Variants in STX8 observed in about 807,000 individuals in gnomAD.
STX8 encodes syntaxin-8.
Under a neutral mutation model 37.5 loss-of-function variants are expected in STX8, and 23 were observed. The observed-to-expected ratio is 0.61, with a 90% CI of 0.44 to 0.87. The LOEUF (loss-of-function observed/expected upper bound fraction) is 0.87. Among genes scored for constraint, STX8 ranks in the 40% least tolerant of loss-of-function variants. The pLI is 0.00. For synonymous variants in STX8, 115 were observed against 99.1 expected (o/e 1.16, Z -0.95); for missense variants, 313 against 284.7 (o/e 1.10, Z -0.71).
At chr17:9,394,579 C>T (rs894475752) in intron 6 of STX8, among the ~76,000 whole-genome samples, 7 of 151,216 alleles carry the variant, frequency 4.6e-5, no homozygotes, top group South Asian at 2.1e-4. Context: ...TGGCCATACT[C>T]GTCTTGAACT....
intron 2 of STX8, among the ~76,000 whole-genome samples, chr17:9,560,524 C>T (rs1204218807): frequency 6.7e-6 from 1 of 150,250 alleles, no homozygotes; most frequent in Non-Finnish European, 1.5e-5. Context: ...TATTTTAAAA[C>T]TTCATTAACA....
intron 7 of STX8, among the ~76,000 whole-genome samples, chr17:9,330,644 T>G (rs1393087891): frequency 6.6e-6 from 1 of 152,236 alleles, no homozygotes; most frequent in East Asian, 1.9e-4. Flanking sequence ...GTTTGGGACG[T>G]GGGTTCACGT....
intron 7 of STX8, among the ~76,000 whole-genome samples, chr17:9,302,989 T>TA (rs34429298): frequency 0.057 from 7,421 of 129,388 alleles, 661 homozygotes; most frequent in African/African-American, 0.19. Context: ...TAATATAGAT[T>TA]AAAAAAAAAA....
chr17:9,460,698 A>AC lies in STX8; in HGVS notation c.541+31130dup, dbSNP rs1457569082. Among the ~76,000 whole-genome samples, 189 of 150,546 alleles carry AC rather than the reference A, an allele frequency of 1.3e-3. 1 individual carries two copies. The highest frequency in any genetic ancestry group is 4.4e-3 in the African/African-American group (179 of 40,498). On this transcript the variant is annotated intron_variant, in intron 6 of 7. Coordinates refer to ENST00000306357, the MANE Select transcript of STX8 (RefSeq NM_004853.3). Reference sequence around the variant, plus strand: ...CAAAAAAAAAAAAAAACAAAACAAAACTACTAAATTCACAACAACAACATA... The same window carrying AC: ...CAAAAAAAAAAAAAAACAAAACAAAACCTACTAAATTCACAACAACAACATA...
rs560249615 is a variant in STX8 at position 9,333,591 on chromosome 17, G to T, written c.643+44961C>A. On this transcript the variant is annotated intron_variant, in intron 7 of 7. Transcript: ENST00000306357. ...TTTTTAGTAGAGATGGGGTTTCACTGTGTTAGCCAGGATGGTCTGGATCTC... is the reference window on the plus strand; with the variant it reads ...TTTTTAGTAGAGATGGGGTTTCACTTTGTTAGCCAGGATGGTCTGGATCTC... Among the ~76,000 whole-genome samples, 9 of 152,228 alleles carry T rather than the reference G, an allele frequency of 5.9e-5. No individual in the cohort carries two copies. In the South Asian group the frequency reaches 1.9e-3, roughly 32 times the overall value.
At chr17:9,542,676 C>CA (rs1300492268) in intron 4 of STX8, among the ~76,000 whole-genome samples, 1 of 144,514 alleles carries the variant, frequency 6.9e-6, no homozygotes, top group African/African-American at 2.7e-5. Context: ...GACTCCATCT[C>CA]AAAAAATAAA....
intron 3 of STX8, among the ~76,000 whole-genome samples, chr17:9,550,215 C>T (rs1377422815): frequency 6.7e-6 from 1 of 148,830 alleles, no homozygotes; most frequent in African/African-American, 2.5e-5. Context: ...CAAAGTGAGA[C>T]TCCATCTCAA....
At chr17:9,271,762 A>AG (rs1567762396) in intron 7 of STX8, among the ~76,000 whole-genome samples, 11 of 151,860 alleles carry the variant, frequency 7.2e-5, no homozygotes, top group African/African-American at 1.9e-4. Flanking sequence ...AAAAAAAAAA[A>AG]AAAAAAGAAA....
At chr17:9,465,234 T>C (rs2142427682) in intron 6 of STX8, among the ~76,000 whole-genome samples, 1 of 152,270 alleles carries the variant, frequency 6.6e-6, no homozygotes, top group East Asian at 1.9e-4. Flanking sequence ...GCATGTTATT[T>C]TCAGAGTGAT....
chr17:9,299,722 G>A (rs149324145), intron 7 of STX8, among the ~76,000 whole-genome samples: 323 of 152,260 alleles, frequency 2.1e-3, no homozygotes, highest in Middle Eastern at 0.02. Flanking sequence ...GATTACAGGT[G>A]TGAGCCACCG....
At chr17:9,376,646 C>G (rs1327566131) in intron 7 of STX8, among the ~76,000 whole-genome samples, 1 of 152,194 alleles carries the variant, frequency 6.6e-6, no homozygotes, top group Non-Finnish European at 1.5e-5. Context: ...TCGGTCCGCA[C>G]CACCTTTGTG....
chr17:9,468,129 G>C (rs1379267033), intron 6 of STX8, among the ~76,000 whole-genome samples: 1 of 152,044 alleles, frequency 6.6e-6, no homozygotes, highest in Non-Finnish European at 1.5e-5. Flanking sequence ...TTTTTTTTGA[G>C]ATGGAGTTTT....
At chr17:9,530,781 T>C (rs1006825823) in intron 4 of STX8, among the ~76,000 whole-genome samples, 5 of 152,232 alleles carry the variant, frequency 3.3e-5, no homozygotes, top group African/African-American at 1.2e-4. Context: ...CTTTCAATCA[T>C]TGTGGTATCT....
intron 1 of STX8, among the ~76,000 whole-genome samples, chr17:9,571,124 TAC>T (rs1419055307): frequency 6.6e-6 from 1 of 152,174 alleles, no homozygotes; most frequent in Admixed American, 6.5e-5. Context: ...AGAACACTTT[TAC>T]ACACAGAGAG....
rs575126908 is a variant in STX8 at position 9,256,316 on chromosome 17, G to A, written c.644-5671C>T. On this transcript the variant is annotated intron_variant, in intron 7 of 7. Coordinates refer to ENST00000306357, the MANE Select transcript of STX8 (RefSeq NM_004853.3). ...ATTCGAGACAGTGTGGGGGTCCCTC[G>A]GGGAGAGAGGCTCAGACTCACTGGG... 5.3e-5 allele frequency among the ~76,000 whole-genome samples: 8 copies of A among 152,310 alleles called. No individual in the cohort carries two copies. The South Asian group carries it at 1.0e-3, about 20-fold the overall frequency.
intron 6 of STX8, among the ~76,000 whole-genome samples, chr17:9,449,560 C>G (rs2142400056): frequency 6.6e-6 from 1 of 151,618 alleles, no homozygotes; most frequent in African/African-American, 2.4e-5. Context: ...GACTCCGTCT[C>G]AAAAATAAAT....
chr17:9,439,861 A>C (rs1300084899), intron 6 of STX8, among the ~76,000 whole-genome samples: 1 of 152,066 alleles, frequency 6.6e-6, no homozygotes, highest in Non-Finnish European at 1.5e-5. Context: ...GGTGAGGAGG[A>C]AGTCTGGAGC....
intron 3 of STX8, among the ~76,000 whole-genome samples, chr17:9,556,542 A>G (rs1906970323): frequency 6.6e-6 from 1 of 151,708 alleles, no homozygotes; most frequent in Non-Finnish European, 1.5e-5. Flanking sequence ...CCCAGGTTCA[A>G]GTGATTCTCC....
rs150233137 is a variant in STX8 at position 9,288,993 on chromosome 17, T to C, written c.644-38348A>G. ...GCGGGGAAGTTATGCTAAGGCCTTCTGTGTGAAATTTAGGATGCTGGGACT... is the reference window on the plus strand; with the variant it reads ...GCGGGGAAGTTATGCTAAGGCCTTCCGTGTGAAATTTAGGATGCTGGGACT... On this transcript the variant is annotated intron_variant, in intron 7 of 7. Coordinates refer to ENST00000306357, the MANE Select transcript of STX8 (RefSeq NM_004853.3). 1.5e-3 allele frequency among the ~76,000 whole-genome samples: 232 copies of C among 152,234 alleles called. 1 individual carries two copies. Among genetic ancestry groups the C allele is most frequent in the Non-Finnish European group, 1.7e-3 (115 of 68,016 alleles).
Sources: gnomAD v4.1 joint callset for allele counts (sites outside exome capture counted in the v4.1 genomes callset) on GRCh38, gnomAD v4.1.1 for gene constraint, MANE v1.5 for transcripts, NCBI Gene and HGNC (gene_info 2026-07-23, HGNC 2026-07-21) for gene names.